Variants in SETX observed in about 807,000 individuals in gnomAD.
SETX encodes senataxin.
A neutral mutation model predicts 227.2 loss-of-function variants in SETX; 90 were observed. The observed-to-expected ratio is 0.40, with a 90% CI of 0.33 to 0.47. SETX has a LOEUF of 0.47. Ranked by LOEUF, SETX falls within the 20% of genes least tolerant of loss-of-function variation. The pLI is 0.91. For synonymous variants in SETX, 1,210 were observed against 1,113.2 expected (o/e 1.09, Z -1.73); for missense variants, 3,052 against 3,181.5 (o/e 0.96, Z 0.98).
At chr9:132,272,039 T>A (rs373146676) in intron 23 of SETX, among the ~76,000 whole-genome samples, 1 of 152,014 alleles carries the variant, frequency 6.6e-6, no homozygotes, top group East Asian at 1.9e-4. Flanking sequence ...CCCGCCACCA[T>A]GCCCAGCTAA....
chr9:132,336,174 T>G, intron 6 of SETX, 122 bp downstream of exon 6: 1 of 796,194 alleles, frequency 1.3e-6, no homozygotes, highest in Non-Finnish European at 2.1e-6. Context: ...ACCTGGGAGG[T>G]GGAGCTTGCG....
chr9:132,283,970 A>G (rs1441847476), intron 18 of SETX, among the ~76,000 whole-genome samples: 2 of 152,184 alleles, frequency 1.3e-5, no homozygotes, highest in Non-Finnish European at 2.9e-5. Flanking sequence ...GCCGGACGTG[A>G]GTGACGCCTC....
chr9:132,264,125 T>C lies in SETX; in HGVS notation c.*114A>G. ...GTGTTAAGGATGCATTTTCCATGTT[T>C]TCCAACAGCACACAAACTCCTTACA... is the stretch of plus-strand genomic sequence containing the variant. On this transcript the variant is annotated 3_prime_UTR_variant, in exon 26 of 26. Transcript: ENST00000224140. 1 of 1,482,578 alleles carries C rather than the reference T, an allele frequency of 6.7e-7. No individual in the cohort carries two copies. The highest frequency in any genetic ancestry group is 9.3e-7 in the Non-Finnish European group (1 of 1,076,702). 91.8% of individuals were successfully genotyped at this position (1,482,578 alleles called of 1,614,324 possible).
At chr9:132,339,254 T>A (rs140234813) in intron 5 of SETX, among the ~76,000 whole-genome samples, 32 of 152,132 alleles carry the variant, frequency 2.1e-4, no homozygotes, top group African/African-American at 7.7e-4. Flanking sequence ...GAGGCTGAGG[T>A]ATGGGGGCAC....
intron 6 of SETX, among the ~76,000 whole-genome samples, chr9:132,335,138 C>T (rs954151443): frequency 1.3e-5 from 2 of 151,976 alleles, no homozygotes; most frequent in African/African-American, 2.4e-5. Context: ...CACCTGTAAT[C>T]CCAGCACTTT....
intron 10 of SETX, among the ~76,000 whole-genome samples, chr9:132,312,624 C>G (rs1306253067): frequency 6.6e-6 from 1 of 152,096 alleles, no homozygotes; most frequent in African/African-American, 2.4e-5. Flanking sequence ...GTTAACCAAC[C>G]AAGACTCCAC....
rs755896883 is a variant in SETX, at chr9:132,271,781, T to A, written c.7128A>T (p.Ala2376=). 1.2e-6 allele frequency: 2 copies of A among 1,614,044 alleles called. No homozygotes were observed. Among genetic ancestry groups the A allele is most frequent in the Non-Finnish European group, 1.7e-6 (2 of 1,179,962 alleles). ...KGPAEVDTVD[A]FQGRQKDCVI... ...CACAATCCTTCTGCCGACCCTGGAA[T>A]GCATCCACAGTGTCTACTTCTGCTG... The change falls in exon 24 of 26, where the codon GCA becomes GCT. Residue 2376 remains alanine, a synonymous_variant. Coordinates refer to ENST00000224140, the MANE Select transcript of SETX (RefSeq NM_015046.7).
chr9:132,300,895 G>A, intron 11 of SETX, 92 bp from the exon 12 acceptor site: 1 of 1,222,642 alleles, frequency 8.2e-7, no homozygotes, highest in Middle Eastern at 2.8e-4. Context: ...CTTGTATTAA[G>A]TTCAAAAATA....
chr9:132,302,947 G>A (rs1166303076), intron 11 of SETX, among the ~76,000 whole-genome samples: 1 of 152,164 alleles, frequency 6.6e-6, no homozygotes, highest in Admixed American at 6.5e-5. Flanking sequence ...GAATGGCAAG[G>A]TTATTCAATG....
chr9:132,350,603 A>G (rs1183915692), intron 2 of SETX, among the ~76,000 whole-genome samples: 1 of 152,240 alleles, frequency 6.6e-6, no homozygotes, highest in Non-Finnish European at 1.5e-5. Context: ...TTAAATAATT[A>G]TTTAGAAATG....
At position 132,300,690 on chromosome 9, in the gene SETX, T is replaced by G. The variant is rs759555006; in HGVS notation, c.5488A>C (p.Ile1830Leu). The G allele has an allele frequency of 9.9e-6, 16 of 1,613,614 alleles. No homozygotes were observed. The highest frequency in any genetic ancestry group is 1.1e-5 in the Non-Finnish European group (13 of 1,179,908). Reference sequence around the variant, plus strand: ...GAATGATATTCGTGGAGATCTTGTATGTCATTTCTCTCTGTATCTTTCTTC... The same window carrying G: ...GAATGATATTCGTGGAGATCTTGTAGGTCATTTCTCTCTGTATCTTTCTTC... ...EEKKDTERNDIQDLHEYHSGY... is the reference protein window; with the variant it reads ...EEKKDTERNDLQDLHEYHSGY... Residue 1830 changes from isoleucine to leucine, a missense_variant, in exon 12 of 26, where the codon ATA (isoleucine) becomes CTA (leucine). Around this residue, in one of 10 missense-constraint regions of SETX, gnomAD observed 239 missense variants for 272.1 expected, o/e 0.88. Coordinates refer to ENST00000224140, the MANE Select transcript of SETX (RefSeq NM_015046.7).
At position 132,325,800 on chromosome 9, in the gene SETX, C is replaced by T. The variant is rs1287948595; in HGVS notation, c.5274+524G>A. On this transcript the variant is annotated intron_variant, in intron 10 of 25. Transcript: ENST00000224140. Reference sequence around the variant, plus strand: ...ATACAAAATTAGTGAGGCCTGGTGGCGCAGGCCTGTAATCTCAGCTACTTG... The same window carrying T: ...ATACAAAATTAGTGAGGCCTGGTGGTGCAGGCCTGTAATCTCAGCTACTTG... Among the ~76,000 whole-genome samples the T allele has an allele frequency of 3.3e-5, 5 of 151,898 alleles. 1 individual carries two copies. Among genetic ancestry groups the T allele is most frequent in the African/African-American group, 9.6e-5 (4 of 41,482 alleles).
chr9:132,341,208 ACT>A (rs1847937193), intron 5 of SETX, among the ~76,000 whole-genome samples: 1 of 151,878 alleles, frequency 6.6e-6, no homozygotes, highest in Non-Finnish European at 1.5e-5. Flanking sequence ...ACAGAGCAAG[ACT>A]CTGTCTCAAA....
At chr9:132,340,437 T>C (rs1406554481) in intron 5 of SETX, among the ~76,000 whole-genome samples, 1 of 152,400 alleles carries the variant, frequency 6.6e-6, no homozygotes, top group Non-Finnish European at 1.5e-5. Context: ...CTTTTCACTC[T>C]GGGGTACTGG....
chr9:132,316,412 T>C (rs1047524540), intron 10 of SETX, among the ~76,000 whole-genome samples: 1 of 152,232 alleles, frequency 6.6e-6, no homozygotes, highest in South Asian at 2.1e-4. Context: ...ACTCCAAATA[T>C]AGAGTCCTTC....
At chr9:132,335,057 G>C (rs1847502192) in intron 6 of SETX, among the ~76,000 whole-genome samples, 1 of 151,892 alleles carries the variant, frequency 6.6e-6, no homozygotes. Context: ...TGCCATTTAT[G>C]ACACGTGACC....
chr9:132,283,161 A>G, intron 19 of SETX, 103 bp downstream of exon 19: 1 of 698,592 alleles, frequency 1.4e-6, no homozygotes, highest in Non-Finnish European at 2.1e-6. Flanking sequence ...AATCAGATGC[A>G]AAAAAAAAAA....
chr9:132,346,542 T>A, intron 3 of SETX, 71 bp from the exon 4 acceptor site: 1 of 1,097,056 alleles, frequency 9.1e-7, no homozygotes, highest in Non-Finnish European at 1.4e-6. Context: ...TGTGACGACC[T>A]AGAAAGCCTT....
rs1846924569 is a variant in SETX at position 132,327,766 on chromosome 9, G to A, written c.3832C>T (p.Pro1278Ser). Reference sequence around the variant, plus strand: ...TTCTCAGCTGTTGAAGTTGGCTCAGGACACTGACGAAATTTCTTTGGCGGC... The same window carrying A: ...TTCTCAGCTGTTGAAGTTGGCTCAGAACACTGACGAAATTTCTTTGGCGGC... ...IVPPKKFRQC[P>S]EPTSTAEKLG... The change falls in exon 10 of 26, where the codon CCT (proline) becomes TCT (serine). Residue 1278 changes from proline (P) to serine (S), a missense_variant. Around this residue, in one of 10 missense-constraint regions of SETX, gnomAD observed 1,483 missense variants for 1,312.0 expected, o/e 1.13. Coordinates refer to ENST00000224140, the MANE Select transcript of SETX (RefSeq NM_015046.7). 6.2e-7 allele frequency: 1 copy of A among 1,614,170 alleles called. No individual in the cohort carries two copies. The highest frequency in any genetic ancestry group is 8.5e-7 in the Non-Finnish European group (1 of 1,180,028).
Sources: allele counts gnomAD v4.1 joint callset (sites outside exome capture counted in the v4.1 genomes callset), GRCh38; gene constraint gnomAD v4.1.1; regional missense constraint gnomAD v4.1.1; transcripts MANE v1.5; gene names NCBI Gene and HGNC (gene_info 2026-07-23, HGNC 2026-07-21).